Variants in ANKDD1B observed in about 807,000 individuals in gnomAD.
ANKDD1B encodes the protein ankyrin repeat and death domain containing 1B, also known as ankyrin repeat and death domain-containing protein 1B.
Under a neutral mutation model 59.7 loss-of-function variants are expected in ANKDD1B, and 57 were observed. The ratio of observed to expected loss-of-function variants is 0.95; its 90% confidence interval spans 0.77 to 1.19. The LOEUF (loss-of-function observed/expected upper bound fraction) is 1.19. ANKDD1B is among the 50% of genes most tolerant of loss of function. The probability of loss-of-function intolerance (pLI) is 0.00; values close to 1 mark genes in which losing one functional copy is unlikely to be tolerated. For synonymous variants in ANKDD1B, 216 were observed against 239.5 expected (o/e 0.90, Z 0.91); for missense variants, 602 against 641.9 (o/e 0.94, Z 0.67).
chr5:75,611,912 C>T (rs1773569377), intron 1 of ANKDD1B, 85 bp downstream of exon 1: 2 of 1,115,410 alleles, frequency 1.8e-6, no homozygotes, highest in Non-Finnish European at 2.3e-6. Context: ...AGAGCAGCAC[C>T]TCCGGACGCT....
intron 9 of ANKDD1B, among the ~76,000 whole-genome samples, chr5:75,657,932 C>T (rs1272295106): frequency 6.6e-6 from 1 of 151,486 alleles, no homozygotes; most frequent in Non-Finnish European, 1.5e-5. Context: ...TTTTTGGAAG[C>T]CAGGTGTTTT....
rs1256037579 is a variant in ANKDD1B, at chr5:75,666,777, T to A, written c.1192-15T>A. On this transcript the variant is annotated splice_polypyrimidine_tract_variant and intron_variant, in intron 11 of 13. Coordinates refer to ENST00000601380, the MANE Select transcript of ANKDD1B (RefSeq NM_001276713.2). Reference sequence around the variant, plus strand: ...ACATGTCTGAAATCTTCTGATACAATTATTTTCACTTTAGGAGCATCATGA... The same window carrying A: ...ACATGTCTGAAATCTTCTGATACAAATATTTTCACTTTAGGAGCATCATGA... 1 of 1,516,660 alleles carries A rather than the reference T, an allele frequency of 6.6e-7. No homozygotes were observed. The highest frequency in any genetic ancestry group is 8.9e-7 in the Non-Finnish European group (1 of 1,129,306). 94.0% of individuals were successfully genotyped at this position (1,516,660 alleles called of 1,614,324 possible).
chr5:75,630,871 TA>T (rs1321083106), intron 5 of ANKDD1B, among the ~76,000 whole-genome samples: 11 of 152,372 alleles, frequency 7.2e-5, no homozygotes, highest in Middle Eastern at 6.8e-3. Context: ...GTAGGAAAGA[TA>T]GCTGTTAGCA....
At chr5:75,622,256 T>C (rs762635885) in intron 3 of ANKDD1B, among the ~76,000 whole-genome samples, 1 of 152,238 alleles carries the variant, frequency 6.6e-6, no homozygotes, top group Non-Finnish European at 1.5e-5. Flanking sequence ...GTCCCAGGAC[T>C]TGAAGCATGC....
At chr5:75,616,636 C>A (rs58548840) in intron 1 of ANKDD1B, among the ~76,000 whole-genome samples, 168 bp from the exon 2 acceptor site, 8,220 of 152,248 alleles carry the variant, frequency 0.054, 671 homozygotes, top group African/African-American at 0.18. Flanking sequence ...AAAATGAAAT[C>A]TTGATACTAC....
chr5:75,612,366 G>A (rs902262832), intron 1 of ANKDD1B, among the ~76,000 whole-genome samples: 1 of 112,392 alleles, frequency 8.9e-6, no homozygotes, highest in African/African-American at 3.6e-5. Flanking sequence ...CCGCGTGTAG[G>A]GTCTTGTTGC....
Position 75,666,988 on chromosome 5 carries a change from G to A in ANKDD1B, c.1388G>A (p.Trp463Ter), listed in dbSNP as rs77253171. 7.5e-4 allele frequency: 1,101 copies of A among 1,474,794 alleles called. 9 individuals carry two copies. The East Asian group carries it at 0.021, about 28-fold the overall frequency. The allele number at this position is 1,474,794 out of a possible 1,614,324, so 91.4% of individuals were successfully genotyped here. A position where few individuals can be genotyped will look rare whatever the true frequency, so the allele number is the denominator to read the frequency against. ...DDQIRAIEEQ[W>*]SGNESFREHG... Reference sequence around the variant, plus strand: ...CAGATTAGAGCCATTGAGGAGCAGTGGTCGGGTGAGTACAGACTAGATGAT... The same window carrying A: ...CAGATTAGAGCCATTGAGGAGCAGTAGTCGGGTGAGTACAGACTAGATGAT... The change falls in exon 12 of 14, where the codon TGG becomes TAG. Residue 463 changes from tryptophan (W) to a stop codon, truncating the protein, a stop_gained. Transcript: ENST00000601380. LOFTEE classifies it high-confidence loss of function.
intron 6 of ANKDD1B, chr5:75,635,582 C>A (rs1251349485): frequency 1.6e-5 from 6 of 384,180 alleles, no homozygotes; most frequent in Non-Finnish European, 1.4e-5. Context: ...TTTTTTCCTA[C>A]TGGTTCAAAA....
rs1252994572 is a variant in ANKDD1B, at chr5:75,648,049, C to G, written c.799-5093C>G. On this transcript the variant is annotated intron_variant, in intron 7 of 13. Coordinates refer to ENST00000601380, the MANE Select transcript of ANKDD1B (RefSeq NM_001276713.2). ...TTCTCACTCATAGGTGGGAATTGAA[C>G]AATGAAATCACATGGACACAGGAAG... is the stretch of plus-strand genomic sequence containing the variant. 2.9e-3 allele frequency among the ~76,000 whole-genome samples: 315 copies of G among 110,476 alleles called. 2 individuals carry two copies. The highest frequency in any genetic ancestry group is 3.6e-3 in the Non-Finnish European group (214 of 59,812). 72.5% of individuals were successfully genotyped at this position (110,476 alleles called of 152,430 possible).
At chr5:75,615,290 CT>C (rs375963748) in intron 1 of ANKDD1B, among the ~76,000 whole-genome samples, 16 of 152,052 alleles carry the variant, frequency 1.1e-4, no homozygotes, top group African/African-American at 3.6e-4. Flanking sequence ...AGGAATGTGT[CT>C]CTGAAATTTG....
At position 75,650,263 on chromosome 5, in the gene ANKDD1B, T is replaced by C. The variant is rs553789507; in HGVS notation, c.799-2879T>C. 5.6e-4 allele frequency among the ~76,000 whole-genome samples: 85 copies of C among 152,306 alleles called. 1 individual carries two copies. Among genetic ancestry groups the C allele is most frequent in the African/African-American group, 2.0e-3 (82 of 41,568 alleles). On this transcript the variant is annotated intron_variant, in intron 7 of 13. Coordinates refer to ENST00000601380, the MANE Select transcript of ANKDD1B (RefSeq NM_001276713.2). ...CTCCTGGATTACCAGGTGGGCCCAA[T>C]GTAATCATAAGGATCCTTTAAAGAG...
At chr5:75,665,415 G>T (rs1438334174) in intron 11 of ANKDD1B, among the ~76,000 whole-genome samples, 1 of 152,178 alleles carries the variant, frequency 6.6e-6, no homozygotes, top group Non-Finnish European at 1.5e-5. Flanking sequence ...TCTTGATCTT[G>T]TTGGATTCAT....
At chr5:75,637,549 C>T (rs1206927517) in intron 7 of ANKDD1B, among the ~76,000 whole-genome samples, 2 of 152,088 alleles carry the variant, frequency 1.3e-5, no homozygotes, top group African/African-American at 4.8e-5. Context: ...GTAAGGCACA[C>T]CATTATTTTA....
intron 1 of ANKDD1B, among the ~76,000 whole-genome samples, chr5:75,612,318 GC>G (rs757100948): frequency 0.27 from 25,959 of 97,656 alleles, 2,869 homozygotes; most frequent in African/African-American, 0.46. Context: ...GTCTGCCCCC[GC>G]CCCCCCCCGC....
chr5:75,614,454 G>T (rs1395010662), intron 1 of ANKDD1B, among the ~76,000 whole-genome samples: 1 of 152,184 alleles, frequency 6.6e-6, no homozygotes, highest in Non-Finnish European at 1.5e-5. Flanking sequence ...TCCTTGAAAA[G>T]GTAGTAAAGA....
chr5:75,661,222 C>T (rs921524564), intron 10 of ANKDD1B, among the ~76,000 whole-genome samples: 1 of 151,094 alleles, frequency 6.6e-6, no homozygotes, highest in Non-Finnish European at 1.5e-5. Flanking sequence ...CATGGTGAAA[C>T]CCTGTCTCTA....
At chr5:75,622,722 A>C (rs1345013436) in intron 3 of ANKDD1B, among the ~76,000 whole-genome samples, 1 of 152,242 alleles carries the variant, frequency 6.6e-6, no homozygotes, top group Non-Finnish European at 1.5e-5. Flanking sequence ...ACTATTGAGC[A>C]ATGTACACTT....
intron 1 of ANKDD1B, among the ~76,000 whole-genome samples, chr5:75,614,122 A>T (rs114509519): frequency 1.7e-4 from 26 of 152,286 alleles, no homozygotes; most frequent in African/African-American, 6.3e-4. Flanking sequence ...TTGCTAGGTG[A>T]TAGAGATGCT....
At chr5:75,660,776 G>A (rs1775116380) in intron 10 of ANKDD1B, among the ~76,000 whole-genome samples, 2 of 152,218 alleles carry the variant, frequency 1.3e-5, no homozygotes. Context: ...GAGAGATTCT[G>A]ATGACATTGG....
Sources: gnomAD v4.1 joint callset for allele counts (sites outside exome capture counted in the v4.1 genomes callset) on GRCh38, gnomAD v4.1.1 for gene constraint, MANE v1.5 for transcripts, NCBI Gene and HGNC (gene_info 2026-07-23, HGNC 2026-07-21) for gene names.